SLC44A3: variants seen among roughly 807,000 people sequenced by gnomAD.
SLC44A3 encodes choline transporter-like protein 3.
In SLC44A3, 74 loss-of-function variants were observed where a neutral mutation model predicts 75.4. That is an observed-to-expected ratio of 0.98 (90% CI 0.81 to 1.19). The LOEUF is 1.19. Ranked by LOEUF, SLC44A3 falls within the 50% of genes most tolerant of loss-of-function variation. SLC44A3 has a pLI of 0.00. For missense variants in SLC44A3, 700 were observed against 778.6 expected (o/e 0.90, Z 1.20); for synonymous variants, 310 against 296.9 (o/e 1.04, Z -0.45).
intron 4 of SLC44A3, among the ~76,000 whole-genome samples, chr1:94,828,270 G>T (rs533521382): frequency 6.6e-6 from 1 of 152,284 alleles, no homozygotes; most frequent in East Asian, 1.9e-4. Flanking sequence ...ATTATTTTAG[G>T]ACCAATCATA....
At chr1:94,881,759 A>G in intron 12 of SLC44A3, among the ~76,000 whole-genome samples, 1 of 151,052 alleles carries the variant, frequency 6.6e-6, no homozygotes, top group East Asian at 2.0e-4. Flanking sequence ...CCTGCCTGTA[A>G]TCCCAGCACT....
intron 3 of SLC44A3, chr1:94,826,090 G>T (rs182820540): frequency 5.7e-6 from 2 of 349,188 alleles, no homozygotes; most frequent in Non-Finnish European, 1.1e-5. Flanking sequence ...CTACAACAGG[G>T]ATGAACCCTG....
intron 12 of SLC44A3, among the ~76,000 whole-genome samples, chr1:94,881,255 A>T (rs1363324698): frequency 6.6e-6 from 1 of 152,078 alleles, no homozygotes; most frequent in Non-Finnish European, 1.5e-5. Flanking sequence ...AGGCTCACCA[A>T]CAGTGTGCTT....
At chr1:94,859,414 C>CAA (rs4000648) in intron 10 of SLC44A3, among the ~76,000 whole-genome samples, 56,248 of 151,838 alleles carry the variant, frequency 0.37, 11,646 homozygotes, top group East Asian at 0.67. Flanking sequence ...TGGTGAGAGC[C>CAA]AAAGAGAGGG....
intron 10 of SLC44A3, among the ~76,000 whole-genome samples, chr1:94,863,441 G>A (rs188966978): frequency 6.6e-6 from 1 of 152,236 alleles, no homozygotes; most frequent in Admixed American, 6.5e-5. Flanking sequence ...ATGGAAAGCA[G>A]GTGTTGTCCT....
intron 8 of SLC44A3, among the ~76,000 whole-genome samples, chr1:94,844,863 C>A (rs1045657702): frequency 1.3e-5 from 2 of 152,108 alleles, no homozygotes; most frequent in African/African-American, 4.8e-5. Flanking sequence ...GGAGGGAAAG[C>A]TAGAAGAAGG....
At chr1:94,837,403 A>C (rs533484331) in intron 5 of SLC44A3, among the ~76,000 whole-genome samples, 1 of 152,248 alleles carries the variant, frequency 6.6e-6, no homozygotes, top group Non-Finnish European at 1.5e-5. Context: ...AAGTTTATAT[A>C]TATCAAAATA....
At chr1:94,864,681 A>G in intron 10 of SLC44A3, 62 bp from the exon 11 acceptor site, 1 of 1,546,470 alleles carries the variant, frequency 6.5e-7, no homozygotes, top group South Asian at 1.2e-5. Context: ...GATTGGAACC[A>G]GAGAGCTTTT....
intron 6 of SLC44A3, among the ~76,000 whole-genome samples, chr1:94,839,685 G>A (rs1399492847): frequency 3.9e-5 from 6 of 152,096 alleles, no homozygotes; most frequent in Non-Finnish European, 7.4e-5. Context: ...CACCATGCCC[G>A]GCCAAATTTT....
intron 1 of SLC44A3, 189 bp downstream of exon 1, chr1:94,820,667 G>A: frequency 2.2e-6 from 3 of 1,381,040 alleles, no homozygotes; most frequent in Non-Finnish European, 2.8e-6. Flanking sequence ...GGGCGGAGGC[G>A]GGGGAGACGC....
chr1:94,869,331 A>G (rs1224752767), intron 12 of SLC44A3, among the ~76,000 whole-genome samples: 1 of 152,236 alleles, frequency 6.6e-6, no homozygotes, highest in African/African-American at 2.4e-5. Context: ...GTGTCAATGG[A>G]AGTAATGATC....
intron 12 of SLC44A3, among the ~76,000 whole-genome samples, chr1:94,872,158 A>G (rs556432255): frequency 1.3e-5 from 2 of 152,012 alleles, no homozygotes; most frequent in East Asian, 1.9e-4. Flanking sequence ...CTGGAGTGCA[A>G]TGGCACGATC....
At chr1:94,859,393 C>T (rs1421293827) in intron 10 of SLC44A3, among the ~76,000 whole-genome samples, 1 of 147,122 alleles carries the variant, frequency 6.8e-6, no homozygotes, top group Non-Finnish European at 1.5e-5. Context: ...AGATAAGAAA[C>T]ACCAACCAAA....
intron 12 of SLC44A3, among the ~76,000 whole-genome samples, chr1:94,873,613 CCAAA>C (rs1293820707): frequency 6.6e-6 from 1 of 152,166 alleles, no homozygotes; most frequent in Non-Finnish European, 1.5e-5. Context: ...TGTAGTATCT[CCAAA>C]CATTCTCTTC....
chr1:94,883,965 G>C (rs1001371119), intron 12 of SLC44A3, among the ~76,000 whole-genome samples: 7 of 152,134 alleles, frequency 4.6e-5, no homozygotes, highest in African/African-American at 1.7e-4. Flanking sequence ...GCCAAGCAAT[G>C]TTAGCAGTGG....
intron 10 of SLC44A3, among the ~76,000 whole-genome samples, chr1:94,861,673 T>G (rs2101363378): frequency 6.6e-6 from 1 of 152,354 alleles, no homozygotes; most frequent in South Asian, 2.1e-4. Flanking sequence ...CGTATCCTTT[T>G]CTGGCCTGCA....
intron 3 of SLC44A3, among the ~76,000 whole-genome samples, chr1:94,826,584 G>A (rs961615184): frequency 6.7e-6 from 1 of 150,336 alleles, no homozygotes; most frequent in Non-Finnish European, 1.5e-5. Context: ...CTGGGAGGCA[G>A]AGGTGGCAGT....
intron 10 of SLC44A3, among the ~76,000 whole-genome samples, chr1:94,862,933 G>C (rs373132617): frequency 6.6e-6 from 1 of 152,214 alleles, no homozygotes; most frequent in East Asian, 1.9e-4. Flanking sequence ...AGGTTTGGCT[G>C]GTTGTGAGGG....
At chr1:94,857,233 A>G in intron 9 of SLC44A3, 102 bp from the exon 10 acceptor site, 5 of 1,234,442 alleles carry the variant, frequency 4.1e-6, no homozygotes, top group African/African-American at 1.5e-5. Context: ...CATTTGTTTT[A>G]TGTAATGCCA....
Sources: allele counts gnomAD v4.1 joint callset (sites outside exome capture counted in the v4.1 genomes callset), GRCh38; gene constraint gnomAD v4.1.1; transcripts MANE v1.5; gene names NCBI Gene and HGNC (gene_info 2026-07-23, HGNC 2026-07-21).